The following CAPN8 variants were observed in gnomAD, a reference collection of about 807,000 sequenced individuals.
CAPN8 encodes the protein calpain-8.
Under a neutral mutation model 80.9 loss-of-function variants are expected in CAPN8, and 87 were observed. The ratio of observed to expected loss-of-function variants is 1.07; its 90% CI spans 0.90 to 1.28. The LOEUF (loss-of-function observed/expected upper bound fraction) is 1.28. Among genes scored for constraint, CAPN8 ranks in the 50% most tolerant of loss-of-function variants. The pLI is 0.00. For missense variants in CAPN8, 757 were observed against 702.0 expected (o/e 1.08, Z -0.89); for synonymous variants, 299 against 273.8 (o/e 1.09, Z -0.91).
chr1:223,612,786 C>T (rs1657065430), intron 10 of CAPN8, among the ~76,000 whole-genome samples: 1 of 152,190 alleles, frequency 6.6e-6, no homozygotes, highest in Admixed American at 6.5e-5. Flanking sequence ...GGACTCCTTT[C>T]TTAATGCTAG....
Position 223,545,253 on chromosome 1 carries a change from C to T in CAPN8, c.1811G>A (p.Trp604Ter). 1.3e-6 allele frequency: 2 copies of T among 1,551,678 alleles called. No homozygotes were observed. Among genetic ancestry groups the T allele is most frequent in the Non-Finnish European group, 1.7e-6 (2 of 1,146,968 alleles). ...TLGAVEFKTL[W>*]LKIQKYLEIY... is the part of the protein sequence containing the mutation. Reference sequence around the variant, plus strand: ...TACCAGATACTTCTGAATCTTCAGCCAGAGCGTCTTGAATTCCACCGCCCC... The same window carrying T: ...TACCAGATACTTCTGAATCTTCAGCTAGAGCGTCTTGAATTCCACCGCCCC... Residue 604 changes from tryptophan (W) to a stop codon, truncating the protein, a stop_gained, in exon 17 of 21, where the codon TGG becomes TAG. Transcript: ENST00000366872. LOFTEE classifies it high-confidence loss of function.
chr1:223,546,621 T>G (rs1264381498), intron 16 of CAPN8, among the ~76,000 whole-genome samples: 2 of 152,172 alleles, frequency 1.3e-5, no homozygotes, highest in African/African-American at 4.8e-5. Context: ...TCTACATACT[T>G]GTATCTCATT....
intron 1 of CAPN8, 89 bp downstream of exon 1, chr1:223,665,321 A>T (rs894015643): frequency 7.6e-6 from 8 of 1,047,056 alleles, no homozygotes; most frequent in Non-Finnish European, 1.1e-5. Flanking sequence ...CTTAGGGTCC[A>T]CAGCCTCAAC....
intron 14 of CAPN8, among the ~76,000 whole-genome samples, chr1:223,551,949 T>C (rs1169291158): frequency 6.6e-5 from 10 of 152,150 alleles, no homozygotes; most frequent in African/African-American, 2.4e-4. Flanking sequence ...GAGAATAGCA[T>C]ATTCTGTGTG....
rs1340169036 is a variant in CAPN8, at chr1:223,624,262, C to T, written c.814-1362G>A. Among the ~76,000 whole-genome samples, 11 of 152,150 alleles carry T rather than the reference C, an allele frequency of 7.2e-5. 1 individual carries two copies. The highest frequency in any genetic ancestry group is 7.2e-4 in the Admixed American group (11 of 15,286). On this transcript the variant is annotated intron_variant, in intron 6 of 20. Coordinates refer to ENST00000366872, the MANE Select transcript of CAPN8 (RefSeq NM_001143962.2). ...TGGCCTATTTCAGTTAAATAAATAA[C>T]AAGAGGTGGGACATTCATTGCATTT... is the stretch of plus-strand genomic sequence containing the variant.
intron 18 of CAPN8, among the ~76,000 whole-genome samples, chr1:223,544,456 C>T (rs1161432386): frequency 6.6e-6 from 1 of 152,172 alleles, no homozygotes; most frequent in Admixed American, 6.6e-5. Context: ...CAAGCAAAAG[C>T]AGAGAAGGTG....
At chr1:223,618,155 G>T in intron 9 of CAPN8, 1 of 1,423,722 alleles carries the variant, frequency 7.0e-7, no homozygotes, top group Non-Finnish European at 9.6e-7. Context: ...CAGGGAACAT[G>T]GGGAGCAGGA....
intron 20 of CAPN8, 26 bp from the exon 21 acceptor site, chr1:223,541,885 G>GT (rs36108579): frequency 0.47 from 736,495 of 1,551,038 alleles, 176,502 homozygotes; most frequent in African/African-American, 0.66. Flanking sequence ...ACAAGATTGA[G>GT]TCTTGGCTTC....
rs1197501766 is a variant in CAPN8 at position 223,628,013 on chromosome 1, C to T, written c.556G>A (p.Ala186Thr). Residue 186 changes from alanine (A) to threonine (T), a missense_variant, in exon 4 of 21, where the codon GCC becomes ACC. Ala to Thr is a moderately conservative substitution (Grantham distance 58). Coordinates refer to ENST00000366872, the MANE Select transcript of CAPN8 (RefSeq NM_001143962.2). ...FWSALLEKAY[A>T]KLNGCYEALA... The stretch of plus-strand genomic sequence containing the variant: ...CTCCTGGCTTCCCCCACTTACTTGG[C>T]ATAGGCTTTCTCCAGCAGGGCACTC... 2.6e-6 allele frequency: 4 copies of T among 1,541,110 alleles called. No individual in the cohort carries two copies. Among genetic ancestry groups the T allele is most frequent in the Non-Finnish European group, 3.5e-6 (4 of 1,139,544 alleles).
chr1:223,649,530 C>T (rs1172794702), intron 2 of CAPN8, among the ~76,000 whole-genome samples: 1 of 152,176 alleles, frequency 6.6e-6, no homozygotes, highest in Non-Finnish European at 1.5e-5. Context: ...AATGTACCCA[C>T]CCAGCAGTGT....
chr1:223,638,330 C>T (rs1277215728), intron 2 of CAPN8, among the ~76,000 whole-genome samples: 2 of 151,962 alleles, frequency 1.3e-5, no homozygotes, highest in Non-Finnish European at 2.9e-5. Context: ...GGAACCAGTA[C>T]CCCACAGATA....
chr1:223,616,703 G>A (rs1290350728), intron 9 of CAPN8, among the ~76,000 whole-genome samples: 1 of 152,186 alleles, frequency 6.6e-6, no homozygotes, highest in East Asian at 1.9e-4. Context: ...GGCCCCAGCT[G>A]CAGAGCACAG....
At position 223,665,473 on chromosome 1, in the gene CAPN8, C is replaced by A. The variant is rs1253037632; in HGVS notation, c.174G>T (p.Leu58Phe). The A allele has an allele frequency of 6.4e-7, 1 of 1,551,886 alleles. No individual in the cohort carries two copies. Among genetic ancestry groups the A allele is most frequent in the African/African-American group, 1.4e-5 (1 of 73,014 alleles). ...AGCCTGGTCCAAGATCCTTGTAGCC[C>A]AAAGCTGATGGACATGCTGGGAACT... ...DPEFPACPSA[L>F]GYKDLGPGSP... Residue 58 changes from leucine (L) to phenylalanine (F), a missense_variant, in exon 1 of 21, where the codon TTG (leucine) becomes TTT (phenylalanine). By Grantham distance (22) the Leu-to-Phe change is conservative. Transcript: ENST00000366872.
rs147376702 is a variant in CAPN8 at position 223,622,742 on chromosome 1, A to G, written c.899+73T>C. The G allele has an allele frequency of 2.8e-4, 317 of 1,150,422 alleles. No individual in the cohort carries two copies. The African/African-American group carries it at 4.2e-3, about 15-fold the overall frequency. 71.3% of individuals were successfully genotyped at this position (1,150,422 alleles called of 1,614,324 possible). A position where few individuals can be genotyped will look rare whatever the true frequency, so the allele number is the denominator to read the frequency against. ...CTGAACTCACTGTGACATCGATCTC[A>G]TTGTTGTGTGTTTTACACGACACCC... On this transcript the variant is annotated intron_variant, in intron 7 of 20. Transcript: ENST00000366872.
At chr1:223,624,357 G>T (rs1438427148) in intron 6 of CAPN8, among the ~76,000 whole-genome samples, 1 of 152,180 alleles carries the variant, frequency 6.6e-6, no homozygotes, top group Non-Finnish European at 1.5e-5. Context: ...TGTCTTCAGC[G>T]TGGATTGATG....
chr1:223,646,006 T>C (rs2102729354), intron 2 of CAPN8, among the ~76,000 whole-genome samples: 2 of 152,222 alleles, frequency 1.3e-5, no homozygotes, highest in Admixed American at 1.3e-4. Context: ...ACGAGGTGAC[T>C]ATGGGGGAGC....
At chr1:223,634,275 G>A (rs1657854266) in intron 2 of CAPN8, among the ~76,000 whole-genome samples, 1 of 152,164 alleles carries the variant, frequency 6.6e-6, no homozygotes. Context: ...CAGCAGTAAG[G>A]AGCACTCAGG....
At chr1:223,658,524 TG>T (rs1373633739) in intron 1 of CAPN8, among the ~76,000 whole-genome samples, 1 of 152,100 alleles carries the variant, frequency 6.6e-6, no homozygotes, top group Non-Finnish European at 1.5e-5. Flanking sequence ...AGCTTTGGGC[TG>T]GGCATGGTGG....
At chr1:223,615,851 G>T in intron 10 of CAPN8, 119 bp downstream of exon 10, 1 of 1,249,854 alleles carries the variant, frequency 8.0e-7, no homozygotes, top group South Asian at 1.3e-5. Context: ...AGAGGAGCAA[G>T]GACGCTTCTC....
Sources: gnomAD v4.1 joint callset for allele counts (sites outside exome capture counted in the v4.1 genomes callset) on GRCh38, gnomAD v4.1.1 for gene constraint, MANE v1.5 for transcripts, NCBI Gene and HGNC (gene_info 2026-07-23, HGNC 2026-07-21) for gene names.